GIPR: variants seen among roughly 807,000 people sequenced by gnomAD.
GIPR encodes GIP-R.
In GIPR, 74 loss-of-function variants were observed where a neutral mutation model predicts 62.2. That is an observed-to-expected ratio of 1.19 (90% CI 0.99 to 1.44). The LOEUF (loss-of-function observed/expected upper bound fraction) is 1.44, where lower values mean the gene tolerates loss of function less well. GIPR is among the 40% of genes most tolerant of loss of function. GIPR has a pLI of 0.00. For synonymous variants in GIPR, 256 were observed against 262.2 expected (o/e 0.98, Z 0.23); for missense variants, 664 against 611.8 (o/e 1.09, Z -0.90).
At chr19:45,676,910 A>AGC (rs1966958895) in intron 7 of GIPR, 39 bp from the exon 8 acceptor site, 1 of 1,601,608 alleles carries the variant, frequency 6.2e-7, no homozygotes, top group African/African-American at 1.3e-5. Context: ...ACACCCGGGC[A>AGC]GCGCTGACTA....
Position 45,678,119 on chromosome 19 carries a change from CT to C in GIPR, c.1046del (p.Leu349ArgfsTer12), listed in dbSNP as rs765814947. ...LARSTLTLVP[L>X]LGVHEVVFAP... ...TCGCTCCACGCTGACGCTGGTGCCCCTGCTGGGTGTCCACGAGGTGGTGTTT... is the reference window on the plus strand; with the variant it reads ...TCGCTCCACGCTGACGCTGGTGCCCCGCTGGGTGTCCACGAGGTGGTGTTT... On this transcript the variant is annotated frameshift_variant, in exon 12 of 14. Coordinates refer to ENST00000590918, the MANE Select transcript of GIPR (RefSeq NM_000164.4). LOFTEE classifies it high-confidence loss of function. 1 of 1,612,802 alleles carries C rather than the reference CT, an allele frequency of 6.2e-7. No individual in the cohort carries two copies. Among genetic ancestry groups the C allele is most frequent in the South Asian group, 1.1e-5 (1 of 91,042 alleles).
Position 45,678,175 on chromosome 19 carries a change from C to A in GIPR, c.1101C>A (p.Gly367=). Residue 367 remains glycine, a synonymous_variant, in exon 12 of 14, where the codon GGC becomes GGA. Transcript: ENST00000590918. ...FAPVTEEQAR[G]ALRFAKLGFE... The stretch of plus-strand genomic sequence containing the variant: ...CCGTGACAGAGGAACAGGCCCGGGG[C>A]GCCCTGCGCTTCGCCAAGCTCGGCT... 3.7e-6 allele frequency: 6 copies of A among 1,600,334 alleles called. No individual in the cohort carries two copies. Among genetic ancestry groups the A allele is most frequent in the Non-Finnish European group, 5.1e-6 (6 of 1,174,252 alleles).
In GIPR at chr19:45,671,371, T is replaced by G. The variant is rs893921559; in HGVS notation, c.259T>G (p.Tyr87Asp). 6.2e-6 allele frequency: 10 copies of G among 1,609,112 alleles called. No homozygotes were observed. The African/African-American group carries it at 1.2e-4, about 19-fold the overall frequency. Residue 87 changes from tyrosine to aspartate, a missense_variant, in exon 4 of 14, where the codon TAC (tyrosine) becomes GAC (aspartate). By Grantham distance (160) the Tyr-to-Asp change is radical. Coordinates refer to ENST00000590918, the MANE Select transcript of GIPR (RefSeq NM_000164.4). ...NATARASCPW[Y>D]LPWHHHVAAG... Reference sequence around the variant, plus strand: ...CACTGCCCGTGCGTCCTGCCCCTGGTACCTGCCCTGGCACCACCATGGTGA... The same window carrying G: ...CACTGCCCGTGCGTCCTGCCCCTGGGACCTGCCCTGGCACCACCATGGTGA...
In GIPR at chr19:45,678,114, T is replaced by C; in HGVS notation, c.1040T>C (p.Val347Ala). The change falls in exon 12 of 14, where the codon GTG (valine) becomes GCG (alanine). Residue 347 changes from valine to alanine, a missense_variant. Val to Ala is a moderately conservative substitution (Grantham distance 64). Coordinates refer to ENST00000590918, the MANE Select transcript of GIPR (RefSeq NM_000164.4). ...LRLARSTLTL[V>A]PLLGVHEVVF... ...CTGGCTCGCTCCACGCTGACGCTGG[T>C]GCCCCTGCTGGGTGTCCACGAGGTG... The C allele has an allele frequency of 6.2e-7, 1 of 1,612,864 alleles. No individual in the cohort carries two copies. The highest frequency in any genetic ancestry group is 8.5e-7 in the Non-Finnish European group (1 of 1,179,868).
chr19:45,677,967 A>G lies in GIPR; in HGVS notation c.986A>G (p.Gln329Arg). The part of the protein sequence containing the change: ...GILLSKLRTR[Q>R]MRCRDYRLRL... ...CTCCTGTCCAAGCTGAGGACACGGC[A>G]AATGCGCTGCCGGGATTACCGGCTG... The change falls in exon 11 of 14, where the codon CAA becomes CGA. Residue 329 changes from glutamine (Q) to arginine (R), a missense_variant. Coordinates refer to ENST00000590918, the MANE Select transcript of GIPR (RefSeq NM_000164.4). 6.2e-7 allele frequency: 1 copy of G among 1,613,980 alleles called. No homozygotes were observed. The highest frequency in any genetic ancestry group is 8.5e-7 in the Non-Finnish European group (1 of 1,180,022).
chr19:45,677,843 C>T, intron 10 of GIPR, 63 bp from the exon 11 acceptor site: 1 of 1,593,224 alleles, frequency 6.3e-7, no homozygotes, highest in South Asian at 1.1e-5. Flanking sequence ...AAGTGGGCTG[C>T]CACCTCCTCC....
In GIPR at chr19:45,674,217, G is replaced by A. The variant is rs531508823; in HGVS notation, c.488+40G>A. 1.1e-4 allele frequency: 139 copies of A among 1,298,388 alleles called. 1 individual carries two copies. In the South Asian group the frequency reaches 1.6e-3, roughly 15 times the overall value. The allele number at this position is 1,298,388 out of a possible 1,614,324, so 80.4% of individuals were successfully genotyped here. A position where few individuals can be genotyped will look rare whatever the true frequency, so the allele number is the denominator to read the frequency against. Reference sequence around the variant, plus strand: ...CTGAGTGGTGGCGGCAGAGATGTGAGCTCGGCCTCAGTTTGTCCAGTAAGA... The same window carrying A: ...CTGAGTGGTGGCGGCAGAGATGTGAACTCGGCCTCAGTTTGTCCAGTAAGA... On this transcript the variant is annotated intron_variant, in intron 6 of 13. Coordinates refer to ENST00000590918, the MANE Select transcript of GIPR (RefSeq NM_000164.4).
At position 45,674,569 on chromosome 19, in the gene GIPR, T is replaced by C; in HGVS notation, c.489-113T>C. The C allele has an allele frequency of 6.3e-6, 6 of 952,518 alleles. No homozygotes were observed. In the South Asian group the frequency reaches 8.1e-5, roughly 13 times the overall value. 59.0% of individuals were successfully genotyped at this position (952,518 alleles called of 1,614,324 possible). A position where few individuals can be genotyped will look rare whatever the true frequency, so the allele number is the denominator to read the frequency against. ...CTGCAGTGAGCCCTGATTGTGTCAC[T>C]GCATTCTAGCCTGGGTGACAGAGTG... On this transcript the variant is annotated intron_variant, in intron 6 of 13. Coordinates refer to ENST00000590918, the MANE Select transcript of GIPR (RefSeq NM_000164.4).
intron 6 of GIPR, 160 bp downstream of exon 6, chr19:45,674,337 G>A (rs1975718575): frequency 2.4e-5 from 17 of 699,142 alleles, no homozygotes; most frequent in South Asian, 2.1e-4. Context: ...GCCGGGAGCG[G>A]TGGCTGATGC....
chr19:45,674,367 G>T, intron 6 of GIPR, 190 bp downstream of exon 6: 1 of 673,186 alleles, frequency 1.5e-6, no homozygotes, highest in Non-Finnish European at 2.7e-6. Flanking sequence ...CAGCTCTTTG[G>T]GATGCCAAGG....
intron 7 of GIPR, among the ~76,000 whole-genome samples, chr19:45,675,754 G>A (rs977788242): frequency 1.7e-4 from 26 of 151,986 alleles, no homozygotes; most frequent in African/African-American, 6.0e-4. Flanking sequence ...CAGGCATGGC[G>A]GCCCTCGCCT....
intron 7 of GIPR, among the ~76,000 whole-genome samples, chr19:45,676,058 G>T (rs1281183726): frequency 1.3e-5 from 2 of 151,980 alleles, no homozygotes; most frequent in Non-Finnish European, 1.5e-5. Context: ...ACAAAAATTA[G>T]CTGGGCATGG....
At position 45,681,765 on chromosome 19, in the gene GIPR, C is replaced by A. The variant is rs1466887239; in HGVS notation, c.1231C>A (p.Arg411Ser). ...SEIRRGWHHC[R>S]LRRSLGEEQR... ...GATCCGCCGTGGCTGGCACCACTGC[C>A]GCCTGCGCCGCAGCCTGGGCGAGGA... The change falls in exon 14 of 14, where the codon CGC (arginine) becomes AGC (serine). Residue 411 changes from arginine (R) to serine (S), a missense_variant. Coordinates refer to ENST00000590918, the MANE Select transcript of GIPR (RefSeq NM_000164.4). The A allele has an allele frequency of 1.2e-6, 2 of 1,604,564 alleles. No homozygotes were observed. The highest frequency in any genetic ancestry group is 1.3e-5 in the African/African-American group (1 of 74,772).
At chr19:45,676,914 C>A (rs1006660778) in intron 7 of GIPR, 35 bp from the exon 8 acceptor site, 1 of 1,606,138 alleles carries the variant, frequency 6.2e-7, no homozygotes, top group East Asian at 2.2e-5. Flanking sequence ...CCGGGCAGCG[C>A]TGACTACCCC....
In GIPR at chr19:45,677,785, A is replaced by C. The variant is rs757912308; in HGVS notation, c.924+6A>C. 5 of 1,611,568 alleles carry C rather than the reference A, an allele frequency of 3.1e-6. No homozygotes were observed. The South Asian group carries it at 3.3e-5, about 11-fold the overall frequency. ...CCATCCTCATGACCATCTTGGTAGG[A>C]TCGGTCCCGCCTCCACCAGGCCGCC... is the stretch of plus-strand genomic sequence containing the variant. On this transcript the variant is annotated splice_donor_region_variant and intron_variant, in intron 10 of 13. Transcript: ENST00000590918.
chr19:45,674,919 C>G, intron 7 of GIPR, 93 bp downstream of exon 7: 1 of 1,263,770 alleles, frequency 7.9e-7, no homozygotes, highest in Non-Finnish European at 1.2e-6. Context: ...CCTACACTCT[C>G]CACAGTTTAT....
At chr19:45,675,903 GAAATA>G (rs1975826990) in intron 7 of GIPR, among the ~76,000 whole-genome samples, 3 of 146,678 alleles carry the variant, frequency 2.0e-5, no homozygotes, top group Admixed American at 1.4e-4. Context: ...AAAATAAAAT[GAAATA>G]AAATAAAATA....
At position 45,681,821 on chromosome 19, in the gene GIPR, G is replaced by A. The variant is rs1369123558; in HGVS notation, c.1287G>A (p.Arg429=). ...GCCAGCTCCCGGAGCGCGCCTTCCGGGCCCTGCCCTCCGGCTCCGGCCCGG... is the reference window on the plus strand; with the variant it reads ...GCCAGCTCCCGGAGCGCGCCTTCCGAGCCCTGCCCTCCGGCTCCGGCCCGG... ...EQRQLPERAF[R]ALPSGSGPGE... is the part of the protein sequence containing the mutation. Residue 429 remains arginine, a synonymous_variant, in exon 14 of 14, where the codon CGG becomes CGA. Coordinates refer to ENST00000590918, the MANE Select transcript of GIPR (RefSeq NM_000164.4). 1 of 1,561,398 alleles carries A rather than the reference G, an allele frequency of 6.4e-7. No homozygotes were observed. Among genetic ancestry groups the A allele is most frequent in the Admixed American group, 1.9e-5 (1 of 51,924 alleles).
chr19:45,682,171 G>A lies in GIPR; in HGVS notation c.*236G>A, dbSNP rs1259748580. On this transcript the variant is annotated 3_prime_UTR_variant, in exon 14 of 14. Transcript: ENST00000590918. The stretch of plus-strand genomic sequence containing the variant: ...GAGAAGGGGGCCTAGGGTGGTCTGG[G>A]AGGCGTCTCCAAGGAGGTGACACTT... 1 of 550,812 alleles carries A rather than the reference G, an allele frequency of 1.8e-6. No individual in the cohort carries two copies. The highest frequency in any genetic ancestry group is 2.2e-5 in the South Asian group (1 of 44,742). The allele number at this position is 550,812 out of a possible 1,614,324, so 34.1% of individuals were successfully genotyped here.
Sources: gnomAD v4.1 joint callset for allele counts (sites outside exome capture counted in the v4.1 genomes callset) on GRCh38, gnomAD v4.1.1 for gene constraint, MANE v1.5 for transcripts, NCBI Gene and HGNC (gene_info 2026-07-23, HGNC 2026-07-21) for gene names.